ATP6V1E1: variants seen among roughly 807,000 people sequenced by gnomAD.
The protein encoded by ATP6V1E1 is ATPase H+ transporting V1 subunit E1, also known as V-type proton ATPase subunit E 1.
In ATP6V1E1, 21 loss-of-function variants were observed where a neutral mutation model predicts 35.2. The observed-to-expected ratio is 0.60, with a 90% confidence interval of 0.42 to 0.86. The LOEUF (loss-of-function observed/expected upper bound fraction) is 0.86. Among genes scored for constraint, ATP6V1E1 ranks in the 40% least tolerant of loss-of-function variants. The pLI, the probability that ATP6V1E1 is intolerant of heterozygous loss-of-function variation, is 0.00. For missense variants in ATP6V1E1, 183 were observed against 272.6 expected, an observed-to-expected ratio of 0.67 and a Z score of 2.32; for synonymous variants, 83 against 87.8, an observed-to-expected ratio of 0.95 and a Z score of 0.30.
chr22:17,624,734 T>C (rs2146319322), intron 1 of ATP6V1E1, among the ~76,000 whole-genome samples: 1 of 151,748 alleles, frequency 6.6e-6, no homozygotes, highest in East Asian at 1.9e-4. Flanking sequence ...GACAGGAGAA[T>C]CGCTTGAACC....
intron 1 of ATP6V1E1, among the ~76,000 whole-genome samples, chr22:17,621,813 A>C (rs1383778943): frequency 6.6e-6 from 1 of 152,126 alleles, no homozygotes; most frequent in African/African-American, 2.4e-5. Context: ...CCTTAGGGAA[A>C]TCTTTCCTGT....
chr22:17,601,143 C>T lies in ATP6V1E1; in HGVS notation c.315G>A (p.Val105=). Residue 105 remains valine, a synonymous_variant, in exon 5 of 9, where the codon GTG becomes GTA. Transcript: ENST00000253413. ...LNEAKQRLSK[V]VKDTTRYQVL... is the part of the protein sequence containing the mutation. ...CTTGGTACCTGGTTGTATCTTTTAC[C>T]ACCTTGCTGAGTCTCTGTTTTGCTT... The T allele has an allele frequency of 6.2e-7, 1 of 1,613,690 alleles. No homozygotes were observed. The highest frequency in any genetic ancestry group is 8.5e-7 in the Non-Finnish European group (1 of 1,179,772).
chr22:17,625,560 C>T (rs544400253), intron 1 of ATP6V1E1, among the ~76,000 whole-genome samples: 7 of 152,048 alleles, frequency 4.6e-5, no homozygotes, highest in South Asian at 2.1e-4. Flanking sequence ...GGATTACAGG[C>T]GTGAGCCGGC....
At chr22:17,599,277 T>C (rs2057749135) in intron 6 of ATP6V1E1, among the ~76,000 whole-genome samples, 1 of 148,390 alleles carries the variant, frequency 6.7e-6, no homozygotes, top group Non-Finnish European at 1.5e-5. Context: ...TTTACCACCA[T>C]TAAAAAAAAA....
chr22:17,620,944 T>G (rs5992765), intron 1 of ATP6V1E1, among the ~76,000 whole-genome samples: 16,867 of 151,880 alleles, frequency 0.11, 1,134 homozygotes, highest in African/African-American at 0.19. Context: ...CGCCTGTAGT[T>G]CCAGCTACTT....
At chr22:17,628,431 C>T (rs979101348) in intron 1 of ATP6V1E1, among the ~76,000 whole-genome samples, 172 bp downstream of exon 1, 1 of 152,276 alleles carries the variant, frequency 6.6e-6, no homozygotes, top group Non-Finnish European at 1.5e-5. Context: ...GTCACATGAG[C>T]TGCGGGGCAA....
chr22:17,596,087 G>A (rs947801938), intron 7 of ATP6V1E1, among the ~76,000 whole-genome samples: 11 of 147,980 alleles, frequency 7.4e-5, no homozygotes, highest in African/African-American at 2.5e-4. Context: ...AGCCGAGGTC[G>A]TGCCACTGCA....
At chr22:17,626,180 G>A (rs1249634327) in intron 1 of ATP6V1E1, among the ~76,000 whole-genome samples, 5 of 151,710 alleles carry the variant, frequency 3.3e-5, no homozygotes, top group African/African-American at 4.8e-5. Flanking sequence ...GGTGGCGGGC[G>A]CCTGTAAGTC....
intron 2 of ATP6V1E1, 139 bp from the exon 3 acceptor site, chr22:17,613,459 G>A: frequency 1.4e-6 from 1 of 691,170 alleles, no homozygotes. Context: ...TCATTTTCAA[G>A]GATTCTAATT....
At chr22:17,608,721 C>T (rs958096608) in intron 4 of ATP6V1E1, among the ~76,000 whole-genome samples, 2 of 152,224 alleles carry the variant, frequency 1.3e-5, no homozygotes, top group African/African-American at 4.8e-5. Context: ...AGCCATGGCA[C>T]CTGGCTAGCC....
intron 8 of ATP6V1E1, among the ~76,000 whole-genome samples, chr22:17,594,137 A>G (rs1175628946): frequency 2.0e-5 from 3 of 152,100 alleles, no homozygotes; most frequent in South Asian, 4.1e-4. Flanking sequence ...GGGAGGTGGA[A>G]GTTGCAGTGA....
At chr22:17,596,338 A>T (rs1601369994) in intron 7 of ATP6V1E1, among the ~76,000 whole-genome samples, 1 of 152,120 alleles carries the variant, frequency 6.6e-6, no homozygotes, top group Non-Finnish European at 1.5e-5. Flanking sequence ...ATCCCGAGGC[A>T]ATGAACTGTG....
intron 2 of ATP6V1E1, among the ~76,000 whole-genome samples, chr22:17,616,771 A>G (rs5746445): frequency 0.96 from 115,518 of 119,834 alleles, 56,656 homozygotes; most frequent in East Asian, 1. Context: ...ACAAGAGGCC[A>G]GGCGCGGTGG....
rs563541510 is a variant in ATP6V1E1, at chr22:17,596,132, A to AAAATAAAT, written c.531-1524_531-1517dup. 7.1e-3 allele frequency among the ~76,000 whole-genome samples: 1,072 copies of AAAATAAAT among 151,874 alleles called. 11 individuals carry two copies. The highest frequency in any genetic ancestry group is 0.025 in the African/African-American group (1,015 of 41,172). ...GGGTGAGAGTGAGACTCTGTCTCAA[A>AAAATAAAT]AAATAAATAAATAAATAAATAAGAT... On this transcript the variant is annotated intron_variant, in intron 7 of 8. Coordinates refer to ENST00000253413, the MANE Select transcript of ATP6V1E1 (RefSeq NM_001696.4).
intron 4 of ATP6V1E1, among the ~76,000 whole-genome samples, chr22:17,605,105 T>A (rs2057779171): frequency 7.0e-6 from 1 of 143,556 alleles, no homozygotes; most frequent in Admixed American, 7.3e-5. Flanking sequence ...CTGGGGAGGC[T>A]GAGGCAGGAG....
At chr22:17,617,780 A>G (rs2057854258) in intron 2 of ATP6V1E1, among the ~76,000 whole-genome samples, 1 of 152,094 alleles carries the variant, frequency 6.6e-6, no homozygotes, top group Non-Finnish European at 1.5e-5. Flanking sequence ...TTTTCATTTT[A>G]TACCCTATAT....
At chr22:17,605,694 T>TCTC (rs71201844) in intron 4 of ATP6V1E1, among the ~76,000 whole-genome samples, 14 of 51,670 alleles carry the variant, frequency 2.7e-4, no homozygotes, top group African/African-American at 1.0e-3. Context: ...GATGTTTCTC[T>TCTC]TTTTTTTTTT....
intron 4 of ATP6V1E1, among the ~76,000 whole-genome samples, chr22:17,606,109 G>A (rs1351945315): frequency 6.6e-6 from 1 of 152,122 alleles, no homozygotes; most frequent in Non-Finnish European, 1.5e-5. Context: ...AAACACCTGG[G>A]CAGGCAAGGA....
In ATP6V1E1 at chr22:17,612,872, C is replaced by T. The variant is rs763885497; in HGVS notation, c.216G>A (p.Met72Ile). Residue 72 changes from methionine (M) to isoleucine (I), a missense_variant, in exon 4 of 9, where the codon ATG becomes ATA. Physicochemically the swap from Met to Ile is conservative, Grantham distance 10. Transcript: ENST00000253413. Reference protein sequence around the residue: ...KQIEQQKKIQMSNLMNQARLK... With the variant: ...KQIEQQKKIQISNLMNQARLK... The stretch of plus-strand genomic sequence containing the variant: ...GTCTCGCTTGATTCATCAAATTGGA[C>T]ATCTGACTGCAAAACGGTATTGAAA... 53 of 1,608,650 alleles carry T rather than the reference C, an allele frequency of 3.3e-5. No individual in the cohort carries two copies. The highest frequency in any genetic ancestry group is 4.5e-5 in the East Asian group (2 of 44,778).
Sources: allele counts gnomAD v4.1 joint callset (sites outside exome capture counted in the v4.1 genomes callset), GRCh38; gene constraint gnomAD v4.1.1; transcripts MANE v1.5; gene names NCBI Gene and HGNC (gene_info 2026-07-23, HGNC 2026-07-21).